Variants in NEK11 observed in about 807,000 individuals in gnomAD.
NEK11 encodes NIMA related kinase 11, also known as serine/threonine-protein kinase Nek11.
NEK11 carries 72 observed loss-of-function variants against 80.7 expected under a neutral mutation model. The ratio of observed to expected loss-of-function variants is 0.89; its 90% CI spans 0.74 to 1.08. The LOEUF (loss-of-function observed/expected upper bound fraction) is 1.08, where lower values mean the gene tolerates loss of function less well. Among genes scored for constraint, NEK11 ranks in the 50% least tolerant of loss-of-function variants. The pLI, the probability that NEK11 is intolerant of heterozygous loss-of-function variation, is 0.00. For synonymous variants in NEK11, 251 were observed against 260.7 expected (o/e 0.96, Z 0.36); for missense variants, 764 against 763.6 (o/e 1.00, Z -0.01).
rs1185212181 is a variant in NEK11 at position 131,266,906 on chromosome 3, G to T, written c.1622-6572G>T. ...GGTGCTTATACATTTAGGATAGTTAGCTGTTCTTGTTGCATTGATCCCTTT... is the reference window on the plus strand; with the variant it reads ...GGTGCTTATACATTTAGGATAGTTATCTGTTCTTGTTGCATTGATCCCTTT... On this transcript the variant is annotated intron_variant, in intron 16 of 17. Transcript: ENST00000383366. Among the ~76,000 whole-genome samples, 4 of 152,138 alleles carry T rather than the reference G, an allele frequency of 2.6e-5. No homozygotes were observed. In the East Asian group the frequency reaches 5.8e-4, roughly 22 times the overall value.
chr3:131,133,778 G>A, intron 6 of NEK11, 52 bp from the exon 7 acceptor site: 20 of 1,497,622 alleles, frequency 1.3e-5, no homozygotes, highest in Middle Eastern at 1.8e-4. Context: ...AATTTCCAGG[G>A]CTAATTTTTC....
chr3:131,118,547 A>G (rs1342060636), intron 5 of NEK11, among the ~76,000 whole-genome samples: 2 of 152,164 alleles, frequency 1.3e-5, no homozygotes, highest in African/African-American at 4.8e-5. Flanking sequence ...AGAAGGAATG[A>G]TACCAATTCA....
chr3:131,244,999 C>T (rs2095575737), intron 16 of NEK11, among the ~76,000 whole-genome samples: 1 of 152,054 alleles, frequency 6.6e-6, no homozygotes, highest in African/African-American at 2.4e-5. Context: ...ATATATTGCA[C>T]AGTGGTAAAG....
At chr3:131,144,407 T>C (rs1180185606) in intron 7 of NEK11, among the ~76,000 whole-genome samples, 12 of 152,188 alleles carry the variant, frequency 7.9e-5, no homozygotes. Context: ...AATCTGCTTT[T>C]GTATCAGCAG....
At position 131,132,814 on chromosome 3, in the gene NEK11, G is replaced by A. The variant is rs757141375; in HGVS notation, c.520+5G>A. On this transcript the variant is annotated splice_donor_5th_base_variant and intron_variant, in intron 6 of 17. Coordinates refer to ENST00000383366, the MANE Select transcript of NEK11 (RefSeq NM_024800.5). ...AAAATAATCTCCTTAAAATTGGTAAGATTTTAAAAAGTATGAATTCCAAAA... is the reference window on the plus strand; with the variant it reads ...AAAATAATCTCCTTAAAATTGGTAAAATTTTAAAAAGTATGAATTCCAAAA... 7.4e-7 allele frequency: 1 copy of A among 1,360,284 alleles called. No individual in the cohort carries two copies. The highest frequency in any genetic ancestry group is 1.0e-6 in the Non-Finnish European group (1 of 977,980). 84.3% of individuals were successfully genotyped at this position (1,360,284 alleles called of 1,614,324 possible).
At chr3:131,044,631 A>T (rs1381803521) in intron 3 of NEK11, among the ~76,000 whole-genome samples, 1 of 152,090 alleles carries the variant, frequency 6.6e-6, no homozygotes, top group Non-Finnish European at 1.5e-5. Context: ...GCAAGTTCTT[A>T]GAGACCTACC....
intron 15 of NEK11, among the ~76,000 whole-genome samples, chr3:131,230,670 G>A (rs543934716): frequency 1.3e-5 from 2 of 152,110 alleles, no homozygotes; most frequent in Non-Finnish European, 2.9e-5. Context: ...ATAAACATAA[G>A]GGCAGCAGTT....
chr3:131,104,921 G>T (rs537118569), intron 4 of NEK11, among the ~76,000 whole-genome samples: 31 of 152,310 alleles, frequency 2.0e-4, no homozygotes, highest in Non-Finnish European at 2.9e-5. Context: ...TTTCCTTGCA[G>T]CTGGGAGCCT....
At chr3:131,066,927 C>T (rs576905017) in intron 3 of NEK11, among the ~76,000 whole-genome samples, 3 of 151,556 alleles carry the variant, frequency 2.0e-5, no homozygotes, top group Non-Finnish European at 2.9e-5. Flanking sequence ...TGTCACTTAA[C>T]AGACTCTGTG....
intron 3 of NEK11, among the ~76,000 whole-genome samples, chr3:131,033,080 T>C (rs982077877): frequency 2.6e-5 from 4 of 152,212 alleles, no homozygotes; most frequent in African/African-American, 9.6e-5. Context: ...TATATCTCTG[T>C]GGCTGTCCAA....
chr3:131,140,025 A>G (rs2086537090), intron 7 of NEK11, among the ~76,000 whole-genome samples: 1 of 152,230 alleles, frequency 6.6e-6, no homozygotes, highest in Non-Finnish European at 1.5e-5. Flanking sequence ...GTATTTTCCA[A>G]AAATGGCCAT....
In NEK11 at chr3:131,133,835, T is replaced by G; in HGVS notation, c.526T>G (p.Phe176Val). Reference protein sequence around the residue: ...LKNNLLKIGDFGVSRLLMGSC... With the variant: ...LKNNLLKIGDVGVSRLLMGSC... ...AAATTAATTATTATTTCAAGGAGAT[T>G]TTGGAGTTTCTCGACTTCTAATGGG... Residue 176 changes from phenylalanine (F) to valine (V), a missense_variant, in exon 7 of 18, where the codon TTT (phenylalanine) becomes GTT (valine). Physicochemically the swap from Phe to Val is conservative, Grantham distance 50. Transcript: ENST00000383366. The G allele has an allele frequency of 1.2e-6, 2 of 1,608,196 alleles. No individual in the cohort carries two copies. The highest frequency in any genetic ancestry group is 1.7e-6 in the Non-Finnish European group (2 of 1,177,518).
intron 7 of NEK11, among the ~76,000 whole-genome samples, chr3:131,145,711 G>C (rs1260388025): frequency 6.6e-6 from 1 of 152,112 alleles, no homozygotes; most frequent in Non-Finnish European, 1.5e-5. Flanking sequence ...ATAGCATAGA[G>C]AGTCTGTGTC....
intron 14 of NEK11, among the ~76,000 whole-genome samples, chr3:131,224,737 C>A (rs1472007128): frequency 6.6e-6 from 1 of 152,130 alleles, no homozygotes; most frequent in East Asian, 1.9e-4. Context: ...TATCAGTGAT[C>A]CTGACGCTGT....
At chr3:131,271,423 T>A (rs75736872) in intron 16 of NEK11, among the ~76,000 whole-genome samples, 2,304 of 152,272 alleles carry the variant, frequency 0.015, 52 homozygotes, top group African/African-American at 0.052. Context: ...AAGTTCAAAG[T>A]GGGATACATG....
intron 14 of NEK11, among the ~76,000 whole-genome samples, chr3:131,195,937 G>A (rs1377470665): frequency 6.6e-6 from 1 of 150,870 alleles, no homozygotes; most frequent in Non-Finnish European, 1.5e-5. Context: ...TTTGTAAAAT[G>A]CGTCCGATAA....
At chr3:131,159,545 C>A (rs1269353858) in intron 10 of NEK11, among the ~76,000 whole-genome samples, 4 of 152,142 alleles carry the variant, frequency 2.6e-5, no homozygotes, top group African/African-American at 9.7e-5. Flanking sequence ...GTGGGTGGAT[C>A]ATTTGAGGTC....
At chr3:131,247,625 A>G (rs1305369900) in intron 16 of NEK11, among the ~76,000 whole-genome samples, 1 of 151,936 alleles carries the variant, frequency 6.6e-6, no homozygotes, top group East Asian at 1.9e-4. Context: ...TTGGTTTCAT[A>G]TGAATTTTAG....
At position 131,172,309 on chromosome 3, in the gene NEK11, G is replaced by A. The variant is rs111998828; in HGVS notation, c.1399+1422G>A. On this transcript the variant is annotated intron_variant, in intron 14 of 17. Coordinates refer to ENST00000383366, the MANE Select transcript of NEK11 (RefSeq NM_024800.5). ...CTTATGGCTGCACAATGATGTAACA[G>A]CTCTTTTTGGCAGCAGTTTAGCTGT... Among the ~76,000 whole-genome samples, 392 of 152,338 alleles carry A rather than the reference G, an allele frequency of 2.6e-3. 1 individual carries two copies. The highest frequency in any genetic ancestry group is 8.8e-3 in the African/African-American group (367 of 41,570).
Sources: gnomAD v4.1 joint callset for allele counts (sites outside exome capture counted in the v4.1 genomes callset) on GRCh38, gnomAD v4.1.1 for gene constraint, MANE v1.5 for transcripts, NCBI Gene and HGNC (gene_info 2026-07-23, HGNC 2026-07-21) for gene names.